Variants in COL6A2 observed in about 807,000 individuals in gnomAD.
COL6A2 encodes collagen type VI alpha 2 chain.
In COL6A2, 90 loss-of-function variants were observed where a neutral mutation model predicts 124.9. The ratio of observed to expected loss-of-function variants is 0.72; its 90% CI spans 0.61 to 0.86. The LOEUF is 0.86. COL6A2 is among the 40% of genes least tolerant of loss of function. COL6A2 has a pLI of 0.00. For synonymous variants in COL6A2, 793 were observed against 618.2 expected (o/e 1.28, Z -4.19); for missense variants, 1,607 against 1,502.5 (o/e 1.07, Z -1.15).
At position 46,120,578 on chromosome 21, in the gene COL6A2, G is replaced by GT. The variant is rs1385983024; in HGVS notation, c.1395+2dup. 1 of 1,463,088 alleles carries GT rather than the reference G, an allele frequency of 6.8e-7. No homozygotes were observed. Among genetic ancestry groups the GT allele is most frequent in the African/African-American group, 1.4e-5 (1 of 69,636 alleles). 90.6% of individuals were successfully genotyped at this position (1,463,088 alleles called of 1,614,324 possible). On this transcript the variant is annotated splice_donor_variant, in intron 16 of 27. Coordinates refer to ENST00000300527, the MANE Select transcript of COL6A2 (RefSeq NM_001849.4). LOFTEE classifies it high-confidence loss of function. ...AGAGGTTGGCAACAAAGGAGCCAAGGTAGGGGAGCAGGGTGGGCCGCACCC... is the reference window on the plus strand; with the variant it reads ...AGAGGTTGGCAACAAAGGAGCCAAGGTTAGGGGAGCAGGGTGGGCCGCACCC...
At chr21:46,130,795 C>T (rs1353623312) in intron 27 of COL6A2, among the ~76,000 whole-genome samples, 2 of 152,186 alleles carry the variant, frequency 1.3e-5, no homozygotes, top group Non-Finnish European at 2.9e-5. Context: ...AAGCCGGTTC[C>T]TAGGTGTGGC....
At chr21:46,117,658 C>G in intron 11 of COL6A2, 1 of 737,028 alleles carries the variant, frequency 1.4e-6, no homozygotes, top group South Asian at 1.6e-5. Flanking sequence ...ATCCCCGTGG[C>G]CTGGAGACCT....
intron 4 of COL6A2, chr21:46,113,780 C>G (rs945212320): frequency 1.5e-5 from 9 of 608,664 alleles, no homozygotes; most frequent in Non-Finnish European, 2.7e-5. Flanking sequence ...TTAAACTTGC[C>G]TAGAACACCT....
chr21:46,131,961 C>G lies in COL6A2; in HGVS notation c.2469C>G (p.Ser823=). 1 of 1,602,650 alleles carries G rather than the reference C, an allele frequency of 6.2e-7. No homozygotes were observed. Among genetic ancestry groups the G allele is most frequent in the East Asian group, 2.3e-5 (1 of 44,226 alleles). Residue 823 remains serine, a synonymous_variant, in exon 28 of 28, where the codon TCC becomes TCG. Transcript: ENST00000300527. The part of the protein sequence containing the change: ...CPDLPCQTEL[S]VAQCTQRPVD... ...ACCTGCGTCTCCCCACAGAGCTGTC[C>G]GTGGCACAGTGCACGCAGCGGCCCG...
At position 46,112,764 on chromosome 21, in the gene COL6A2, C is replaced by T. The variant is rs373597998; in HGVS notation, c.715-40C>T. 2.9e-5 allele frequency: 46 copies of T among 1,613,458 alleles called. No homozygotes were observed. The Middle Eastern group carries it at 6.6e-4, about 23-fold the overall frequency. On this transcript the variant is annotated intron_variant, in intron 3 of 27. Transcript: ENST00000300527. The stretch of plus-strand genomic sequence containing the variant: ...CTCGAGGTGCAGCCGCCCCAGGTCT[C>T]GAGGCACACGGCTAACCAGCATGTC...
chr21:46,126,707 GGGA>G (rs1275153309), intron 27 of COL6A2, among the ~76,000 whole-genome samples, 166 bp downstream of exon 27: 2 of 152,194 alleles, frequency 1.3e-5, no homozygotes, highest in Non-Finnish European at 2.9e-5. Flanking sequence ...GGCAGCACAG[GGGA>G]GGAGGGGCTT....
Position 46,116,705 on chromosome 21 carries a change from T to A in COL6A2, c.954+28T>A. 1 of 1,612,970 alleles carries A rather than the reference T, an allele frequency of 6.2e-7. No individual in the cohort carries two copies. Reference sequence around the variant, plus strand: ...AGGCTGGCTGGGTAGGCAGAGCCCCTCCTTCCTGCTGCTCAGGGCAGAAGG... The same window carrying A: ...AGGCTGGCTGGGTAGGCAGAGCCCCACCTTCCTGCTGCTCAGGGCAGAAGG... On this transcript the variant is annotated intron_variant, in intron 9 of 27. Transcript: ENST00000300527. The surrounding 1 kb of genome is among the most constrained non-coding windows in gnomAD (Gnocchi z 4.6).
intron 21 of COL6A2, among the ~76,000 whole-genome samples, chr21:46,123,910 G>GTCA (rs761803420): frequency 0.52 from 73,896 of 142,304 alleles, 19,326 homozygotes; most frequent in Admixed American, 0.6. Flanking sequence ...TGGATGGGTG[G>GTCA]GTGGATAGAG....
chr21:46,122,673 C>T, intron 20 of COL6A2, 142 bp downstream of exon 20: 1 of 1,069,390 alleles, frequency 9.4e-7, no homozygotes, highest in Non-Finnish European at 1.4e-6. Flanking sequence ...AGCCATGTCA[C>T]CTATGCTGAG....
chr21:46,117,653 C>G lies in COL6A2; in HGVS notation c.1053+200C>G, dbSNP rs2078493580. 4.0e-6 allele frequency: 3 copies of G among 740,794 alleles called. No homozygotes were observed. The Admixed American group carries it at 6.3e-5, about 15-fold the overall frequency. The allele number at this position is 740,794 out of a possible 1,614,324, so 45.9% of individuals were successfully genotyped here. On this transcript the variant is annotated intron_variant, in intron 11 of 27. Transcript: ENST00000300527. ...CCCCTGGGAGCTCCTGGCGGATCCC[C>G]GTGGCCTGGAGACCTGATGCATCCC...
intron 1 of COL6A2, among the ~76,000 whole-genome samples, chr21:46,103,078 A>G (rs956990909): frequency 2.0e-5 from 3 of 152,126 alleles, no homozygotes; most frequent in African/African-American, 7.2e-5. Context: ...ATTTTTGAGT[A>G]TTGATTCAAT....
At chr21:46,122,037 CCT>C in intron 18 of COL6A2, 69 bp from the exon 19 acceptor site, 1 of 1,522,700 alleles carries the variant, frequency 6.6e-7, no homozygotes. Context: ...CACCTTGCGC[CCT>C]GTTGAGCACA....
In COL6A2 at chr21:46,122,947, A is replaced by C. The variant is rs915786; in HGVS notation, c.1671+10A>C. 8.1e-6 allele frequency: 13 copies of C among 1,612,480 alleles called. No homozygotes were observed. The highest frequency in any genetic ancestry group is 5.3e-5 in the African/African-American group (4 of 74,970). ...AGAGAAAGGAGAGCCTGTGAGTGTC[A>C]CCGTCCCGAAGCCCACAGCAGCTGG... On this transcript the variant is annotated intron_variant, in intron 21 of 27. Coordinates refer to ENST00000300527, the MANE Select transcript of COL6A2 (RefSeq NM_001849.4).
intron 12 of COL6A2, 139 bp from the exon 13 acceptor site, chr21:46,118,475 A>G: frequency 1.3e-6 from 1 of 774,650 alleles, no homozygotes; most frequent in South Asian, 1.5e-5. Context: ...CCCAGCCAGC[A>G]TCTGGCATCC....
Position 46,124,702 on chromosome 21 carries a change from C to G in COL6A2, c.1723C>G (p.Pro575Ala), listed in dbSNP as rs1463889261. The change falls in exon 22 of 28, where the codon CCA (proline) becomes GCA (alanine). Residue 575 changes from proline to alanine, a missense_variant. Pro to Ala is a conservative substitution (Grantham distance 27). Transcript: ENST00000300527. ...AGGCCCTCGGGGGCCAAGAGGAGTC[C>G]CAGGACCCGAGGTAGGTTGGTGGCC... is the stretch of plus-strand genomic sequence containing the variant. ...EPGPRGPRGV[P>A]GPEGEPGPPG... 6 of 1,612,774 alleles carry G rather than the reference C, an allele frequency of 3.7e-6. No individual in the cohort carries two copies. The highest frequency in any genetic ancestry group is 5.1e-6 in the Non-Finnish European group (6 of 1,179,904).
At chr21:46,102,800 T>C (rs1440226198) in intron 1 of COL6A2, among the ~76,000 whole-genome samples, 1 of 152,156 alleles carries the variant, frequency 6.6e-6, no homozygotes, top group African/African-American at 2.4e-5. Flanking sequence ...CATCAAATTA[T>C]ACCAAATTTA....
At chr21:46,121,956 G>T in intron 18 of COL6A2, 152 bp from the exon 19 acceptor site, 3 of 812,900 alleles carry the variant, frequency 3.7e-6, no homozygotes, top group African/African-American at 1.7e-5. Context: ...ACAGGGCGAG[G>T]TTGGCCCTGC....
At chr21:46,115,952 C>T in intron 6 of COL6A2, 27 bp downstream of exon 6, 1 of 1,612,440 alleles carries the variant, frequency 6.2e-7, no homozygotes, top group Admixed American at 1.7e-5. Context: ...CACGCCCGCC[C>T]CGCCTGCAGC....
intron 21 of COL6A2, among the ~76,000 whole-genome samples, chr21:46,123,966 T>C (rs1330023425): frequency 7.1e-6 from 1 of 140,992 alleles, no homozygotes; most frequent in African/African-American, 2.7e-5. Context: ...GATAGATGGG[T>C]ATGTGAGTGA....
Sources: gnomAD v4.1 joint callset for allele counts (sites outside exome capture counted in the v4.1 genomes callset) on GRCh38, gnomAD v4.1.1 for gene constraint, Gnocchi (gnomAD v3.1) non-coding constraint, MANE v1.5 for transcripts, NCBI Gene and HGNC (gene_info 2026-07-23, HGNC 2026-07-21) for gene names.